Variants in SKAP2 observed in about 807,000 individuals in gnomAD.
The protein encoded by SKAP2 is src kinase associated phosphoprotein 2.
A neutral mutation model predicts 54.9 loss-of-function variants in SKAP2; 28 were observed. The ratio of observed to expected loss-of-function variants is 0.51; its 90% CI spans 0.38 to 0.70. The LOEUF is 0.70. Among genes scored for constraint, SKAP2 ranks in the 30% least tolerant of loss-of-function variants. SKAP2 has a pLI of 0.00. For missense variants in SKAP2, 356 were observed against 424.1 expected (o/e 0.84, Z 1.41); for synonymous variants, 137 against 134.3 (o/e 1.02, Z -0.14).
intron 4 of SKAP2, among the ~76,000 whole-genome samples, chr7:26,749,528 C>T (rs1205502952): frequency 6.6e-6 from 1 of 151,960 alleles, no homozygotes; most frequent in Non-Finnish European, 1.5e-5. Context: ...GCAGAAGGAT[C>T]ACTTGAGGCC....
At chr7:26,777,075 T>A (rs142213949) in intron 4 of SKAP2, among the ~76,000 whole-genome samples, 180 of 152,248 alleles carry the variant, frequency 1.2e-3, no homozygotes, top group Admixed American at 3.4e-3. Flanking sequence ...AGAGTTGAAA[T>A]CATTAATTGG....
At chr7:26,815,971 A>T (rs763725420) in intron 4 of SKAP2, among the ~76,000 whole-genome samples, 8 of 152,142 alleles carry the variant, frequency 5.3e-5, no homozygotes, top group Non-Finnish European at 1.2e-4. Context: ...CTTTTAAAAA[A>T]TTTTTGAAAT....
At chr7:26,727,558 G>C (rs1419679529) in intron 6 of SKAP2, among the ~76,000 whole-genome samples, 3 of 149,160 alleles carry the variant, frequency 2.0e-5, no homozygotes, top group Non-Finnish European at 4.5e-5. Flanking sequence ...AGATGTGAAG[G>C]AAAAAAAAAC....
intron 9 of SKAP2, among the ~76,000 whole-genome samples, chr7:26,710,420 T>A (rs1439176458): frequency 6.6e-6 from 1 of 152,220 alleles, no homozygotes; most frequent in Non-Finnish European, 1.5e-5. Context: ...GGTCACTTCA[T>A]GCTGGGATGG....
chr7:26,738,941 A>G (rs1287062241), intron 5 of SKAP2, 63 bp from the exon 6 acceptor site: 1 of 953,442 alleles, frequency 1.0e-6, no homozygotes, highest in Non-Finnish European at 1.7e-6. Context: ...GTTAATTAAT[A>G]TGATTTCTAA....
At chr7:26,743,329 G>C (rs1218677815) in intron 4 of SKAP2, among the ~76,000 whole-genome samples, 1 of 152,194 alleles carries the variant, frequency 6.6e-6, no homozygotes, top group Non-Finnish European at 1.5e-5. Context: ...ACTAGTTCAA[G>C]TGAATGGATG....
intron 4 of SKAP2, among the ~76,000 whole-genome samples, chr7:26,790,658 T>C (rs1404068142): frequency 6.6e-6 from 1 of 152,194 alleles, no homozygotes; most frequent in Non-Finnish European, 1.5e-5. Flanking sequence ...CTTTTGAAAC[T>C]AATATCCTAA....
At chr7:26,662,695 T>A (rs1418221519), downstream of SKAP2, among the ~76,000 whole-genome samples, 1 of 152,130 alleles carries the variant, frequency 6.6e-6, no homozygotes, top group Non-Finnish European at 1.5e-5. Context: ...GCTGACCAAC[T>A]GAAGCAAAGC....
At chr7:26,744,148 C>CT (rs904365331) in intron 4 of SKAP2, among the ~76,000 whole-genome samples, 73 of 150,768 alleles carry the variant, frequency 4.8e-4, no homozygotes, top group Admixed American at 4.5e-3. Context: ...ATTACTTTAT[C>CT]TTTTTTTTTC....
At chr7:26,799,857 G>A (rs189128667) in intron 4 of SKAP2, among the ~76,000 whole-genome samples, 10 of 152,210 alleles carry the variant, frequency 6.6e-5, no homozygotes, top group Non-Finnish European at 1.2e-4. Context: ...GGTGGCTCAC[G>A]CCTGTAATCC....
intron 1 of SKAP2, among the ~76,000 whole-genome samples, chr7:26,855,718 C>A (rs1785148146): frequency 1.3e-5 from 2 of 152,062 alleles, no homozygotes; most frequent in South Asian, 4.1e-4. Context: ...GTGTAAAATT[C>A]CAACAAGTCC....
intron 4 of SKAP2, among the ~76,000 whole-genome samples, chr7:26,771,042 C>T (rs1381140780): frequency 1.3e-5 from 2 of 152,150 alleles, no homozygotes; most frequent in African/African-American, 4.8e-5. Flanking sequence ...TAACTCCTCT[C>T]AGGAACCTTC....
rs1785327257 is a variant in SKAP2 at position 26,864,244 on chromosome 7, T to C, written c.67+119A>G. On this transcript the variant is annotated intron_variant, in intron 1 of 12. Transcript: ENST00000345317. ...TCCTCCCTGTGCCGACCCCACTGGC[T>C]AGAAGACGTGGGAAGCGCGGGGAGG... 14 of 1,245,686 alleles carry C rather than the reference T, an allele frequency of 1.1e-5. No homozygotes were observed. In the South Asian group the frequency reaches 1.8e-4, roughly 16 times the overall value. The allele number at this position is 1,245,686 out of a possible 1,614,324, so 77.2% of individuals were successfully genotyped here. A position where few individuals can be genotyped will look rare whatever the true frequency, so the allele number is the denominator to read the frequency against.
At chr7:26,833,717 TA>T (rs1237501384) in intron 4 of SKAP2, among the ~76,000 whole-genome samples, 2 of 152,130 alleles carry the variant, frequency 1.3e-5, no homozygotes, top group Non-Finnish European at 2.9e-5. Context: ...CCCAGATTCA[TA>T]AAGCAGGTTC....
chr7:26,727,292 G>A (rs1022870784), intron 6 of SKAP2, among the ~76,000 whole-genome samples: 12 of 152,002 alleles, frequency 7.9e-5, no homozygotes, highest in African/African-American at 2.9e-4. Flanking sequence ...CTAGAACATA[G>A]AACTTGCTAG....
chr7:26,849,757 G>A (rs73069529), intron 3 of SKAP2, among the ~76,000 whole-genome samples: 12,854 of 148,190 alleles, frequency 0.087, 698 homozygotes, highest in Non-Finnish European at 0.13. Context: ...TGAAACATTT[G>A]ACTAATGCTA....
At chr7:26,806,234 T>G (rs673502) in intron 4 of SKAP2, among the ~76,000 whole-genome samples, 112,088 of 151,924 alleles carry the variant, frequency 0.74, 41,939 homozygotes, top group East Asian at 0.95. Context: ...ACTTCTAAGT[T>G]TTCAAATAAA....
intron 4 of SKAP2, among the ~76,000 whole-genome samples, chr7:26,778,249 G>A (rs1783355515): frequency 6.6e-6 from 1 of 152,072 alleles, no homozygotes; most frequent in African/African-American, 2.4e-5. Flanking sequence ...ACACGGCTGG[G>A]TTTAGCCTAG....
At chr7:26,778,176 A>G (rs2127977359) in intron 4 of SKAP2, among the ~76,000 whole-genome samples, 1 of 152,116 alleles carries the variant, frequency 6.6e-6, no homozygotes, top group South Asian at 2.1e-4. Context: ...ATACGAAAGC[A>G]CTTATTTTTA....
Sources: gnomAD v4.1 joint callset for allele counts (sites outside exome capture counted in the v4.1 genomes callset) on GRCh38, gnomAD v4.1.1 for gene constraint, MANE v1.5 for transcripts, NCBI Gene and HGNC (gene_info 2026-07-23, HGNC 2026-07-21) for gene names.